The following ALPK3 variants were observed in gnomAD, a reference collection of about 807,000 sequenced individuals.
ALPK3 encodes the protein alpha kinase 3, also known as alpha-protein kinase 3.
Under a neutral mutation model 140.0 loss-of-function variants are expected in ALPK3, and 102 were observed. The observed-to-expected ratio is 0.73, with a 90% CI of 0.62 to 0.86. The LOEUF (loss-of-function observed/expected upper bound fraction) is 0.86. ALPK3 is among the 40% of genes least tolerant of loss of function. The probability of loss-of-function intolerance (pLI) is 0.00; values close to 1 mark genes in which losing one functional copy is unlikely to be tolerated. For missense variants in ALPK3, 2,254 were observed against 2,208.2 expected, an observed-to-expected ratio of 1.02 and a Z score of -0.42; for synonymous variants, 938 against 898.5, an observed-to-expected ratio of 1.04 and a Z score of -0.79.
At chr15:84,851,810 T>G (rs1567092420) in intron 5 of ALPK3, among the ~76,000 whole-genome samples, 1 of 152,244 alleles carries the variant, frequency 6.6e-6, no homozygotes, top group Non-Finnish European at 1.5e-5. Context: ...TAAACAGTGC[T>G]GCAGTATATA....
At chr15:84,833,957 T>TTGTGTG (rs71453270) in intron 3 of ALPK3, among the ~76,000 whole-genome samples, 31,429 of 147,148 alleles carry the variant, frequency 0.21, 3,700 homozygotes, top group African/African-American at 0.3. Context: ...AGATTCTGTG[T>TTGTGTG]TGTGTGTGTG....
At chr15:84,822,509 G>A (rs1228678553) in intron 1 of ALPK3, among the ~76,000 whole-genome samples, 3 of 152,216 alleles carry the variant, frequency 2.0e-5, no homozygotes, top group Non-Finnish European at 4.4e-5. Flanking sequence ...CGAAGGGAGT[G>A]TGGATGGGGT....
chr15:84,826,158 A>G (rs946476329), intron 2 of ALPK3, among the ~76,000 whole-genome samples: 2 of 152,198 alleles, frequency 1.3e-5, no homozygotes, highest in African/African-American at 2.4e-5. Flanking sequence ...TCTCTGGGGT[A>G]CAACCCTTCT....
intron 5 of ALPK3, among the ~76,000 whole-genome samples, chr15:84,847,133 A>G (rs1963739141): frequency 6.6e-6 from 1 of 151,780 alleles, no homozygotes; most frequent in Admixed American, 6.6e-5. Flanking sequence ...CTTGAAGTTA[A>G]AGCAATAGAA....
At chr15:84,835,107 A>T (rs1055376586) in intron 3 of ALPK3, among the ~76,000 whole-genome samples, 1 of 152,046 alleles carries the variant, frequency 6.6e-6, no homozygotes, top group African/African-American at 2.4e-5. Context: ...ATTTGACTGG[A>T]CTCAGATGCC....
intron 10 of ALPK3, 34 bp from the exon 11 acceptor site, chr15:84,863,518 C>T: frequency 1.3e-6 from 2 of 1,593,356 alleles, no homozygotes; most frequent in African/African-American, 1.3e-5. Flanking sequence ...TGAGGAATTT[C>T]TTTGCTCACC....
chr15:84,817,392 G>A lies in ALPK3; in HGVS notation c.-61G>A. 8.2e-7 allele frequency: 1 copy of A among 1,224,082 alleles called. No individual in the cohort carries two copies. Among genetic ancestry groups the A allele is most frequent in the African/African-American group, 1.6e-5 (1 of 63,552 alleles). The allele number at this position is 1,224,082 out of a possible 1,614,324, so 75.8% of individuals were successfully genotyped here. A position where few individuals can be genotyped will look rare whatever the true frequency, so the allele number is the denominator to read the frequency against. ...CGGCGGGCAGGGGCCCGGGGGCCGG[G>A]GCCTGGAGGACAGGCGAGGCAGCGG... On this transcript the variant is annotated 5_prime_UTR_variant, in exon 1 of 14. Transcript: ENST00000258888.
chr15:84,859,093 C>A, intron 6 of ALPK3, 150 bp from the exon 7 acceptor site: 1 of 1,062,168 alleles, frequency 9.4e-7, no homozygotes, highest in Non-Finnish European at 1.3e-6. Context: ...GAGATATAGG[C>A]AGGAGGCACC....
intron 5 of ALPK3, among the ~76,000 whole-genome samples, chr15:84,841,349 G>A (rs928117899): frequency 4.6e-5 from 7 of 152,328 alleles, no homozygotes; most frequent in African/African-American, 1.7e-4. Context: ...CTACTCATTC[G>A]ATTTTTAACA....
chr15:84,859,928 T>TCTCA lies in ALPK3; in HGVS notation c.4093+26_4093+29dup, dbSNP rs768688903. The TCTCA allele has an allele frequency of 1.9e-6, 3 of 1,613,460 alleles. No individual in the cohort carries two copies. The African/African-American group carries it at 4.0e-5, about 22-fold the overall frequency. ...GGTGAGTGTGCCCCGCGGCCCGGGGTCTCAGCCTGGCCTGGCTCCTGGTGG... is the reference window on the plus strand; with the variant it reads ...GGTGAGTGTGCCCCGCGGCCCGGGGTCTCACTCAGCCTGGCCTGGCTCCTGGTGG... On this transcript the variant is annotated intron_variant, in intron 8 of 13. Coordinates refer to ENST00000258888, the MANE Select transcript of ALPK3 (RefSeq NM_020778.5).
Position 84,868,392 on chromosome 15 carries a change from C to T in ALPK3, c.5054C>T (p.Thr1685Ile). ...ACCCCTCAGGCCTCAGAGCCAGTCA[C>T]CACTCAGTTGTTGGGACAGCCTCCC... is the stretch of plus-strand genomic sequence containing the variant. ...KATPQASEPV[T>I]TQLLGQPPTQ... The change falls in exon 14 of 14, where the codon ACC becomes ATC. Residue 1685 changes from threonine to isoleucine, a missense_variant. Physicochemically the swap from Thr to Ile is moderately conservative, Grantham distance 89. Transcript: ENST00000258888. 6.2e-7 allele frequency: 1 copy of T among 1,613,592 alleles called. No homozygotes were observed.
At position 84,869,559 on chromosome 15, in the gene ALPK3, G is replaced by A. The variant is rs1018362058; in HGVS notation, c.*1103G>A. ...GGTGGAGGGGAGTCTCTGTGCCTGG[G>A]AATTAGGACCCCTGCTCCAACCATC... is the stretch of plus-strand genomic sequence containing the variant. On this transcript the variant is annotated 3_prime_UTR_variant, in exon 14 of 14. Transcript: ENST00000258888. 6.6e-6 allele frequency: 1 copy of A among 152,254 alleles called. No individual in the cohort carries two copies. The highest frequency in any genetic ancestry group is 2.1e-4 in the South Asian group (1 of 4,826). The allele number at this position is 152,254 out of a possible 1,614,324, so 9.4% of individuals were successfully genotyped here. A position where few individuals can be genotyped will look rare whatever the true frequency, so the allele number is the denominator to read the frequency against.
chr15:84,834,007 G>C (rs1963573930), intron 3 of ALPK3, among the ~76,000 whole-genome samples: 1 of 151,868 alleles, frequency 6.6e-6, no homozygotes, highest in East Asian at 1.9e-4. Context: ...GGGTGCACAT[G>C]TTCATATTGG....
intron 2 of ALPK3, among the ~76,000 whole-genome samples, chr15:84,827,184 C>T (rs911682662): frequency 5.3e-5 from 8 of 152,204 alleles, no homozygotes; most frequent in African/African-American, 1.9e-4. Flanking sequence ...TAAGGCCCCT[C>T]AAACAATGAT....
At chr15:84,853,660 T>C (rs1004813972) in intron 5 of ALPK3, among the ~76,000 whole-genome samples, 3 of 152,122 alleles carry the variant, frequency 2.0e-5, no homozygotes, top group Non-Finnish European at 4.4e-5. Context: ...TCCCAGCTAT[T>C]TGGGAGGCTG....
rs560231523 is a variant in ALPK3 at position 84,840,885 on chromosome 15, C to T, written c.1606C>T (p.Arg536Trp). Residue 536 changes from arginine to tryptophan, a missense_variant, in exon 5 of 14, where the codon CGG (arginine) becomes TGG (tryptophan). Physicochemically the swap from Arg to Trp is moderately radical, Grantham distance 101 (BLOSUM62 -3). Coordinates refer to ENST00000258888, the MANE Select transcript of ALPK3 (RefSeq NM_020778.5). ...TPPARRRHGT[R>W]DSTLQGQAGH... is the part of the protein sequence containing the mutation. ...CCCTGCCCGGCGGAGACATGGCACC[C>T]GGGACAGCACGTTGCAGGGGCAAGC... 86 of 1,612,198 alleles carry T rather than the reference C, an allele frequency of 5.3e-5. 2 individuals carry two copies. In the South Asian group the frequency reaches 7.4e-4, roughly 14 times the overall value.
chr15:84,862,996 C>G lies in ALPK3; in HGVS notation c.4410+81C>G, dbSNP rs1017561368. 9 of 1,538,292 alleles carry G rather than the reference C, an allele frequency of 5.9e-6. No homozygotes were observed. In the African/African-American group the frequency reaches 1.2e-4, roughly 21 times the overall value. On this transcript the variant is annotated intron_variant, in intron 10 of 13. Coordinates refer to ENST00000258888, the MANE Select transcript of ALPK3 (RefSeq NM_020778.5). ...CCCAGCCCAGGTCCTGTTAGGATGC[C>G]CAGTATCGAGGCAGAAGGCATCTCA...
rs867716509 is a variant in ALPK3 at position 84,867,487 on chromosome 15, C to G, written c.4772+122C>G. On this transcript the variant is annotated intron_variant, in intron 13 of 13. Coordinates refer to ENST00000258888, the MANE Select transcript of ALPK3 (RefSeq NM_020778.5). ...CTGGGGCCAAGTGGTCCCAGACACACCCATGGCCATGTGGTAACATCCTAG... is the reference window on the plus strand; with the variant it reads ...CTGGGGCCAAGTGGTCCCAGACACAGCCATGGCCATGTGGTAACATCCTAG... 2.5e-5 allele frequency: 28 copies of G among 1,111,028 alleles called. No individual in the cohort carries two copies. In the Middle Eastern group the frequency reaches 2.0e-3, roughly 79 times the overall value. 68.8% of individuals were successfully genotyped at this position (1,111,028 alleles called of 1,614,324 possible).
chr15:84,859,464 C>T, intron 7 of ALPK3, 74 bp downstream of exon 7: 1 of 1,556,798 alleles, frequency 6.4e-7, no homozygotes, highest in South Asian at 1.2e-5. Context: ...TGTCCTAGTG[C>T]TTTGAACCTA....
Sources: gnomAD v4.1 joint callset for allele counts (sites outside exome capture counted in the v4.1 genomes callset) on GRCh38, gnomAD v4.1.1 for gene constraint, MANE v1.5 for transcripts, NCBI Gene and HGNC (gene_info 2026-07-23, HGNC 2026-07-21) for gene names.